TARDBP: variants seen among roughly 807,000 people sequenced by gnomAD.
TARDBP encodes the protein TAR DNA-binding protein 43.
In TARDBP, 4 loss-of-function variants were observed where a neutral mutation model predicts 38.3. The ratio of observed to expected loss-of-function variants is 0.10; its 90% CI spans 0.05 to 0.24. The LOEUF is 0.24. Among genes scored for constraint, TARDBP ranks in the 10% least tolerant of loss-of-function variants. The pLI is 1.00. For synonymous variants in TARDBP, 184 were observed against 183.8 expected (o/e 1.00, Z -0.01); for missense variants, 202 against 521.9 (o/e 0.39, Z 5.97).
chr1:11,027,093 CA>C, downstream of TARDBP: 1 of 1,603,558 alleles, frequency 6.2e-7, no homozygotes, highest in Non-Finnish European at 8.5e-7. Context: ...TAAGCCAGCA[CA>C]AAGCATGTTA....
At chr1:11,020,394 T>A (rs762052579) in intron 4 of TARDBP, 35 bp from the exon 5 acceptor site, 8 of 1,613,466 alleles carry the variant, frequency 5.0e-6, no homozygotes, top group Non-Finnish European at 5.9e-6. Context: ...TCATAACATA[T>A]TTCTGAGTTT....
chr1:11,028,260 A>G (rs1412580379), downstream of TARDBP, among the ~76,000 whole-genome samples: 2 of 152,154 alleles, frequency 1.3e-5, no homozygotes, highest in Non-Finnish European at 2.9e-5. Context: ...GCAAGCAGGC[A>G]TTGTCTGAGC....
intron 2 of TARDBP, among the ~76,000 whole-genome samples, 197 bp from the exon 3 acceptor site, chr1:11,016,647 C>T (rs185985313): frequency 1.3e-5 from 2 of 152,290 alleles, no homozygotes; most frequent in Admixed American, 6.5e-5. Flanking sequence ...ACTGAATTTG[C>T]ACCAGAAAAG....
At chr1:11,015,078 A>G (rs9430337) in intron 2 of TARDBP, among the ~76,000 whole-genome samples, 6,952 of 150,702 alleles carry the variant, frequency 0.046, 329 homozygotes, top group East Asian at 0.21. Context: ...CTACACTCCA[A>G]CCTGTGACAG....
downstream of TARDBP, among the ~76,000 whole-genome samples, chr1:11,027,931 T>C (rs1035379882): frequency 6.6e-6 from 1 of 152,132 alleles, no homozygotes. Flanking sequence ...GTCTATAAGA[T>C]TGGGAAAATT....
At chr1:11,018,101 C>G (rs1643564956) in intron 3 of TARDBP, among the ~76,000 whole-genome samples, 3 of 151,698 alleles carry the variant, frequency 2.0e-5, no homozygotes. Context: ...GCAGGATGGT[C>G]TCGATCTCCT....
intron 5 of TARDBP, among the ~76,000 whole-genome samples, chr1:11,021,039 G>A (rs1643627018): frequency 6.6e-6 from 1 of 152,148 alleles, no homozygotes; most frequent in Admixed American, 6.5e-5. Context: ...AGATGTTTGT[G>A]ATACCTGTAT....
chr1:11,017,233 T>C (rs1412111690), intron 3 of TARDBP, among the ~76,000 whole-genome samples: 7 of 143,936 alleles, frequency 4.9e-5, no homozygotes, highest in Non-Finnish European at 1.0e-4. Flanking sequence ...AGACCAAGTC[T>C]CACTTTGCTG....
At chr1:11,020,302 G>A (rs1643610640) in intron 4 of TARDBP, 127 bp from the exon 5 acceptor site, 2 of 1,092,954 alleles carry the variant, frequency 1.8e-6, no homozygotes, top group South Asian at 2.7e-5. Context: ...AAAATTAAGG[G>A]TACGTCTACT....
chr1:11,018,461 A>C, intron 3 of TARDBP: 1 of 448,872 alleles, frequency 2.2e-6, no homozygotes, highest in Non-Finnish European at 4.1e-6. Context: ...AGCACTGGGA[A>C]TACAGGTGTG....
chr1:11,021,539 A>T (rs976901186), intron 5 of TARDBP, among the ~76,000 whole-genome samples: 1 of 152,102 alleles, frequency 6.6e-6, no homozygotes, highest in Admixed American at 6.6e-5. Flanking sequence ...CAGCCTCCCA[A>T]AGTGCTGGGA....
At chr1:11,027,725 A>C (rs1643763908), downstream of TARDBP, 8 of 1,477,320 alleles carry the variant, frequency 5.4e-6, no homozygotes, top group South Asian at 8.1e-5. Context: ...GACCGCCTTG[A>C]AGTATATATT....
At chr1:11,027,754 A>G, downstream of TARDBP, 2 of 1,208,040 alleles carry the variant, frequency 1.7e-6, no homozygotes, top group East Asian at 4.8e-5. Context: ...ACCAAAAATT[A>G]TATTACATGA....
downstream of TARDBP, chr1:11,027,588 G>T: frequency 6.2e-7 from 1 of 1,614,176 alleles, no homozygotes; most frequent in Non-Finnish European, 8.5e-7. Flanking sequence ...AAAATCACCA[G>T]GTTTTGCCTT....
chr1:11,013,004 G>C (rs374434384), intron 1 of TARDBP, among the ~76,000 whole-genome samples: 98 of 152,362 alleles, frequency 6.4e-4, no homozygotes, highest in African/African-American at 2.2e-3. Context: ...GACAGTGCCG[G>C]AGCCTTCGGT....
intron 5 of TARDBP, among the ~76,000 whole-genome samples, chr1:11,021,858 C>A (rs945875276): frequency 3.3e-5 from 5 of 152,118 alleles, no homozygotes; most frequent in Non-Finnish European, 5.9e-5. Context: ...CTCACACAGT[C>A]CTCCCACCTT....
intron 2 of TARDBP, among the ~76,000 whole-genome samples, chr1:11,015,050 T>G (rs1158548352): frequency 4.6e-5 from 7 of 150,872 alleles, no homozygotes; most frequent in Non-Finnish European, 1.5e-5. Flanking sequence ...GAGATTACTT[T>G]AAGCTGAGGT....
intron 1 of TARDBP, 127 bp downstream of exon 1, chr1:11,012,870 C>T (rs781034544): frequency 3.6e-4 from 55 of 152,492 alleles, no homozygotes; most frequent in Non-Finnish European, 5.1e-4. Flanking sequence ...CGGGCCTAGT[C>T]CTGCCCGAGC....
At chr1:11,028,859 A>G (rs1461832221), downstream of TARDBP, among the ~76,000 whole-genome samples, 19 of 145,240 alleles carry the variant, frequency 1.3e-4, no homozygotes, top group South Asian at 4.4e-4. Flanking sequence ...GACTACAGGC[A>G]CACGCCACCA....
Sources: gnomAD v4.1 joint callset for allele counts (sites outside exome capture counted in the v4.1 genomes callset) on GRCh38, gnomAD v4.1.1 for gene constraint, MANE v1.5 for transcripts, NCBI Gene and HGNC (gene_info 2026-07-23, HGNC 2026-07-21) for gene names.